The following RITA1 variants were observed in gnomAD, a reference collection of about 807,000 sequenced individuals.
RITA1 encodes the protein RBPJ interacting and tubulin associated 1, also known as RBPJ-interacting and tubulin-associated protein 1.
Under a neutral mutation model 8.7 loss-of-function variants are expected in RITA1, and 15 were observed. The observed-to-expected ratio is 1.72, with a 90% CI of 1.15 to 2.65. The LOEUF is 2.65. Among genes scored for constraint, RITA1 ranks in the 30% most tolerant of loss-of-function variants. The pLI is 0.00. For synonymous variants in RITA1, 145 were observed against 156.2 expected (o/e 0.93, Z 0.53); for missense variants, 330 against 363.8 (o/e 0.91, Z 0.76).
At position 113,191,937 on chromosome 12, in the gene RITA1, C is replaced by T; in HGVS notation, c.*120C>T. 1 of 1,272,956 alleles carries T rather than the reference C, an allele frequency of 7.9e-7. No individual in the cohort carries two copies. Among genetic ancestry groups the T allele is most frequent in the South Asian group, 1.5e-5 (1 of 67,448 alleles). 78.9% of individuals were successfully genotyped at this position (1,272,956 alleles called of 1,614,324 possible). On this transcript the variant is annotated 3_prime_UTR_variant, in exon 4 of 4. Transcript: ENST00000548278. The surrounding 1 kb of genome is among the most constrained non-coding windows in gnomAD (Gnocchi z 4.0). ...TTAAAGAAGCCCCTGTGGGGGCAGA[C>T]AGACATAGCAGGGGTGGGCAGTGCC...
rs1952546120 is a variant in RITA1 at position 113,186,982 on chromosome 12, G to A, written c.236G>A (p.Ser79Asn). The change falls in exon 3 of 4, where the codon AGC becomes AAC. Residue 79 changes from serine to asparagine, a missense_variant. Physicochemically the swap from Ser to Asn is conservative, Grantham distance 46 (BLOSUM62 1). Coordinates refer to ENST00000548278, the MANE Select transcript of RITA1 (RefSeq NM_032848.3). The stretch of plus-strand genomic sequence containing the variant: ...TCGAAGGCCTTGGGGGCAAAGGGGA[G>A]CTGTGAGACCACCCCCTCAAGGGGC... ...EASKALGAKGSCETTPSRGST... is the reference protein window; with the variant it reads ...EASKALGAKGNCETTPSRGST... 1.9e-6 allele frequency: 3 copies of A among 1,612,894 alleles called. No homozygotes were observed. The highest frequency in any genetic ancestry group is 2.7e-5 in the African/African-American group (2 of 74,928).
At position 113,185,954 on chromosome 12, in the gene RITA1, A is replaced by G; in HGVS notation, c.-264A>G. 7 of 1,534,902 alleles carry G rather than the reference A, an allele frequency of 4.6e-6. No homozygotes were observed. The highest frequency in any genetic ancestry group is 6.1e-6 in the Non-Finnish European group (7 of 1,145,984). ...CCCGCGCCCTCACCGACGGGTCCAG[A>G]CCTGGTGGGAAGAAGGTGCGGGGAC... On this transcript the variant is annotated 5_prime_UTR_variant, in exon 1 of 4. Coordinates refer to ENST00000548278, the MANE Select transcript of RITA1 (RefSeq NM_032848.3).
At chr12:113,188,786 CCTTTTTTTTTT>C (rs1566105397) in intron 3 of RITA1, among the ~76,000 whole-genome samples, 1 of 64,306 alleles carries the variant, frequency 1.6e-5, no homozygotes, top group Non-Finnish European at 3.2e-5. Flanking sequence ...GCCTTAGTTA[CCTTTTTTTTTT>C]TTTTTTTTTT....
At chr12:113,188,787 C>T (rs112071833) in intron 3 of RITA1, among the ~76,000 whole-genome samples, 5,623 of 73,182 alleles carry the variant, frequency 0.077, 146 homozygotes, top group Non-Finnish European at 0.089. Context: ...CCTTAGTTAC[C>T]TTTTTTTTTT....
chr12:113,188,838 T>C (rs1483649828), intron 3 of RITA1, among the ~76,000 whole-genome samples: 1 of 123,344 alleles, frequency 8.1e-6, no homozygotes, highest in Admixed American at 9.3e-5. Context: ...TGAGATGGAG[T>C]CTGGCTCTGT....
In RITA1 at chr12:113,186,308, T is replaced by C; in HGVS notation, c.-73T>C. 7.2e-7 allele frequency: 1 copy of C among 1,384,950 alleles called. No homozygotes were observed. Among genetic ancestry groups the C allele is most frequent in the Non-Finnish European group, 9.3e-7 (1 of 1,070,330 alleles). 85.8% of individuals were successfully genotyped at this position (1,384,950 alleles called of 1,614,324 possible). A position where few individuals can be genotyped will look rare whatever the true frequency, so the allele number is the denominator to read the frequency against. ...AATGAAACAATGCTTGTAAAGCTCTTTGCAGGAGGTAGGCATGGGATCCAC... is the reference window on the plus strand; with the variant it reads ...AATGAAACAATGCTTGTAAAGCTCTCTGCAGGAGGTAGGCATGGGATCCAC... On this transcript the variant is annotated 5_prime_UTR_variant, in exon 2 of 4. Transcript: ENST00000548278.
chr12:113,187,676 G>C (rs1174227430), intron 3 of RITA1, among the ~76,000 whole-genome samples: 3 of 147,020 alleles, frequency 2.0e-5, no homozygotes, highest in African/African-American at 7.6e-5. Flanking sequence ...AGGATCACTT[G>C]AGCCTAGGAG....
intron 3 of RITA1, among the ~76,000 whole-genome samples, chr12:113,190,714 G>A (rs1210895948): frequency 6.6e-6 from 1 of 152,226 alleles, no homozygotes; most frequent in Admixed American, 6.5e-5. Flanking sequence ...TCAATTGCAA[G>A]TGACAGAAAA....
rs1952529390 is a variant in RITA1, at chr12:113,185,848, G to A, written c.-370G>A. 4 of 909,018 alleles carry A rather than the reference G, an allele frequency of 4.4e-6. No individual in the cohort carries two copies. The East Asian group carries it at 1.1e-4, about 24-fold the overall frequency. 56.3% of individuals were successfully genotyped at this position (909,018 alleles called of 1,614,324 possible). A position where few individuals can be genotyped will look rare whatever the true frequency, so the allele number is the denominator to read the frequency against. On this transcript the variant is annotated 5_prime_UTR_variant, in exon 1 of 4. Transcript: ENST00000548278. ...AGTCCGTCCGCGCGCGGTGCCCCGG[G>A]ACGGCCTAGGCTGCCGGGGGTCCGG... is the stretch of plus-strand genomic sequence containing the variant.
Position 113,191,132 on chromosome 12 carries a change from G to A in RITA1, c.303-178G>A, listed in dbSNP as rs978378647. 6.6e-6 allele frequency among the ~76,000 whole-genome samples: 1 copy of A among 152,198 alleles called. No individual in the cohort carries two copies. The highest frequency in any genetic ancestry group is 1.5e-5 in the Non-Finnish European group (1 of 68,032). ...CAGGGAAAATCAGCAGAGACCGGGGGCAGTGGTGCTTAAGAGGCTGTGGCC... is the reference window on the plus strand; with the variant it reads ...CAGGGAAAATCAGCAGAGACCGGGGACAGTGGTGCTTAAGAGGCTGTGGCC... On this transcript the variant is annotated intron_variant, in intron 3 of 3. Coordinates refer to ENST00000548278, the MANE Select transcript of RITA1 (RefSeq NM_032848.3). The surrounding 1 kb of genome is among the most constrained non-coding windows in gnomAD (Gnocchi z 4.0).
chr12:113,191,923 C>A lies in RITA1; in HGVS notation c.*106C>A. 7.2e-7 allele frequency: 1 copy of A among 1,398,232 alleles called. No individual in the cohort carries two copies. The highest frequency in any genetic ancestry group is 2.3e-5 in the East Asian group (1 of 42,832). The allele number at this position is 1,398,232 out of a possible 1,614,324, so 86.6% of individuals were successfully genotyped here. A position where few individuals can be genotyped will look rare whatever the true frequency, so the allele number is the denominator to read the frequency against. On this transcript the variant is annotated 3_prime_UTR_variant, in exon 4 of 4. Transcript: ENST00000548278. The surrounding 1 kb of genome is among the most constrained non-coding windows in gnomAD (Gnocchi z 4.0). ...GGGAACCCCAGGTATTAAAGAAGCC[C>A]CTGTGGGGGCAGACAGACATAGCAG...
In RITA1 at chr12:113,186,755, C is replaced by T; in HGVS notation, c.9C>T (p.Thr3=). 6.2e-7 allele frequency: 1 copy of T among 1,613,000 alleles called. No individual in the cohort carries two copies. The highest frequency in any genetic ancestry group is 8.5e-7 in the Non-Finnish European group (1 of 1,179,598). Residue 3 remains threonine, a synonymous_variant, in exon 3 of 4, where the codon ACC becomes ACT. Coordinates refer to ENST00000548278, the MANE Select transcript of RITA1 (RefSeq NM_032848.3). The part of the protein sequence containing the change: MK[T]PVELAVSGMQ... Reference sequence around the variant, plus strand: ...CAGGGACCACAGGCAGCATGAAGACCCCCGTGGAGCTGGCCGTCAGTGGGA... The same window carrying T: ...CAGGGACCACAGGCAGCATGAAGACTCCCGTGGAGCTGGCCGTCAGTGGGA...
At chr12:113,189,500 A>G (rs1040432657) in intron 3 of RITA1, among the ~76,000 whole-genome samples, 25 of 152,148 alleles carry the variant, frequency 1.6e-4, no homozygotes, top group Non-Finnish European at 2.4e-4. Flanking sequence ...CTGGATGCCA[A>G]CAGGTAGAGG....
Position 113,186,666 on chromosome 12 carries a change from C to A in RITA1, c.-64-17C>A. ...ACTTCTGTGGCTCAGGGGTGCTACT[C>A]TGACCTCCTCTCACAGGGAGCCTCG... On this transcript the variant is annotated splice_polypyrimidine_tract_variant and intron_variant, in intron 2 of 3. Coordinates refer to ENST00000548278, the MANE Select transcript of RITA1 (RefSeq NM_032848.3). 6.4e-7 allele frequency: 1 copy of A among 1,565,778 alleles called. No individual in the cohort carries two copies. Among genetic ancestry groups the A allele is most frequent in the South Asian group, 1.2e-5 (1 of 85,336 alleles).
chr12:113,186,377 G>C, intron 2 of RITA1, 61 bp downstream of exon 2: 10 of 1,365,194 alleles, frequency 7.3e-6, no homozygotes, highest in Non-Finnish European at 9.4e-6. Flanking sequence ...ACATAGGAAA[G>C]TGCCTGTCTC....
chr12:113,186,105 T>G, intron 1 of RITA1, 80 bp from the exon 2 acceptor site: 1 of 1,524,612 alleles, frequency 6.6e-7, no homozygotes, highest in Non-Finnish European at 8.8e-7. Context: ...TGTGGGGCGG[T>G]GGGGGCGGCG....
chr12:113,189,952 A>G (rs908944648), intron 3 of RITA1, among the ~76,000 whole-genome samples: 1 of 150,574 alleles, frequency 6.6e-6, no homozygotes, highest in Non-Finnish European at 1.5e-5. Context: ...TGGGAGGATT[A>G]CTTGAGCTCA....
At chr12:113,186,560 C>G in intron 2 of RITA1, 123 bp from the exon 3 acceptor site, 2 of 1,392,700 alleles carry the variant, frequency 1.4e-6, no homozygotes, top group East Asian at 5.2e-5. Flanking sequence ...AAGTTGACAG[C>G]TCCCCTTTGA....
In RITA1 at chr12:113,191,505, A is replaced by C. The variant is rs1401029956; in HGVS notation, c.498A>C (p.Pro166=). ...AGGCACCACTGCGAGCCATTCACCC[A>C]GCTGGTCCCTCCAAGACAGAGCCGG... ...PREAPLRAIH[P]AGPSKTEPGP... The change falls in exon 4 of 4, where the codon CCA becomes CCC. Residue 166 remains proline (P), a synonymous_variant. Coordinates refer to ENST00000548278, the MANE Select transcript of RITA1 (RefSeq NM_032848.3). This position sits in a 1 kb window ranked among gnomAD's most constrained non-coding sequence, Gnocchi z 4.0. 8.1e-6 allele frequency: 13 copies of C among 1,607,594 alleles called. No individual in the cohort carries two copies. In the African/African-American group the frequency reaches 1.6e-4, roughly 20 times the overall value.
Sources: allele counts gnomAD v4.1 joint callset (sites outside exome capture counted in the v4.1 genomes callset), GRCh38; gene constraint gnomAD v4.1.1; non-coding constraint Gnocchi (gnomAD v3.1); transcripts MANE v1.5; gene names NCBI Gene and HGNC (gene_info 2026-07-23, HGNC 2026-07-21).